The following ACOT11 variants were observed in gnomAD, a reference collection of about 807,000 sequenced individuals.
ACOT11 encodes acyl-coenzyme A thioesterase 11.
In ACOT11, 69 loss-of-function variants were observed where a neutral mutation model predicts 77.5. That is an observed-to-expected ratio of 0.89 (90% CI 0.73 to 1.09). The LOEUF (loss-of-function observed/expected upper bound fraction) is 1.09, where lower values mean the gene tolerates loss of function less well. ACOT11 is among the 50% of genes least tolerant of loss of function. The pLI, the probability that ACOT11 is intolerant of heterozygous loss-of-function variation, is 0.00. For synonymous variants in ACOT11, 279 were observed against 313.0 expected, an observed-to-expected ratio of 0.89 and a Z score of 1.15; for missense variants, 766 against 813.7, an observed-to-expected ratio of 0.94 and a Z score of 0.71.
chr1:54,612,776 TC>T (rs1644133419), downstream of ACOT11: 5 of 1,224,396 alleles, frequency 4.1e-6, no homozygotes, highest in Non-Finnish European at 6.0e-6. Context: ...CTCTGGGGTC[TC>T]ATCACAGTGC....
intron 15 of ACOT11, among the ~76,000 whole-genome samples, chr1:54,626,501 GCCAAATGACT>G (rs11278771): frequency 0.28 from 41,104 of 148,834 alleles, 6,465 homozygotes; most frequent in Middle Eastern, 0.4. Flanking sequence ...ACACAACACT[GCCAAATGACT>G]CTCATGTCCC....
chr1:54,594,719 A>T (rs1361528446), intron 6 of ACOT11, 28 bp downstream of exon 6: 1 of 1,593,258 alleles, frequency 6.3e-7, no homozygotes. Context: ...GTGCATGGGG[A>T]GGGTAGCTGG....
At chr1:54,582,051 G>C (rs7531575) in intron 1 of ACOT11, among the ~76,000 whole-genome samples, 3 of 152,118 alleles carry the variant, frequency 2.0e-5, no homozygotes, top group Non-Finnish European at 4.4e-5. Flanking sequence ...GGAGTGGTGG[G>C]GATAGCAACT....
chr1:54,612,604 C>T (rs376802409), downstream of ACOT11: 5 of 1,613,990 alleles, frequency 3.1e-6, no homozygotes, highest in African/African-American at 1.3e-5. Flanking sequence ...ATCTTCTCCA[C>T]CATGGCTTGG....
chr1:54,628,013 G>T (rs78175776), intron 15 of ACOT11: 2,643 of 133,440 alleles, frequency 0.02, 619 homozygotes, highest in East Asian at 0.053. Flanking sequence ...AACCTGGATG[G>T]GTTGGGGAGC....
chr1:54,576,368 A>G (rs666186), intron 1 of ACOT11, among the ~76,000 whole-genome samples: 17,905 of 151,736 alleles, frequency 0.12, 2,507 homozygotes, highest in African/African-American at 0.34. Context: ...TGGGTGGCAC[A>G]TGCCTGTGGT....
chr1:54,623,168 A>C, intron 15 of ACOT11: 1 of 735,286 alleles, frequency 1.4e-6, no homozygotes. Flanking sequence ...CAAGAGCAAA[A>C]CTCCGTCTAA....
intron 1 of ACOT11, among the ~76,000 whole-genome samples, chr1:54,553,486 A>G (rs1426628010): frequency 1.3e-5 from 2 of 152,110 alleles, no homozygotes; most frequent in African/African-American, 4.8e-5. Context: ...ATTAAAAAAA[A>G]AAAATGGACA....
chr1:54,626,074 A>G (rs1039431346), intron 15 of ACOT11, among the ~76,000 whole-genome samples: 2 of 151,324 alleles, frequency 1.3e-5, no homozygotes, highest in African/African-American at 4.9e-5. Context: ...TAGCTTGGCC[A>G]ACAGAGTGAG....
At position 54,594,026 on chromosome 1, in the gene ACOT11, G is replaced by A. The variant is rs768581245; in HGVS notation, c.458G>A (p.Arg153Gln). 80 of 1,613,748 alleles carry A rather than the reference G, an allele frequency of 5.0e-5. No homozygotes were observed. Among genetic ancestry groups the A allele is most frequent in the African/African-American group, 1.6e-4 (12 of 74,934 alleles). ...GCCTTGGCCACCTTCGTGGCCCGCCGAGAGATCACCAAGGTAACTGGGTGC... is the reference window on the plus strand; with the variant it reads ...GCCTTGGCCACCTTCGTGGCCCGCCAAGAGATCACCAAGGTAACTGGGTGC... Reference protein sequence around the residue: ...CKALATFVARREITKVKLKQI... With the variant: ...CKALATFVARQEITKVKLKQI... Residue 153 changes from arginine (R) to glutamine (Q), a missense_variant, in exon 5 of 16, where the codon CGA (arginine) becomes CAA (glutamine). Coordinates refer to ENST00000343744, the MANE Select transcript of ACOT11 (RefSeq NM_147161.4).
intron 16 of ACOT11, among the ~76,000 whole-genome samples, chr1:54,632,933 G>A (rs1644309140): frequency 6.6e-6 from 1 of 152,164 alleles, no homozygotes; most frequent in African/African-American, 2.4e-5. Context: ...TAAATTTATG[G>A]GGAAGAGATG....
intron 10 of ACOT11, among the ~76,000 whole-genome samples, 175 bp downstream of exon 10, chr1:54,602,899 C>T (rs541109576): frequency 3.3e-5 from 5 of 152,328 alleles, no homozygotes; most frequent in African/African-American, 4.8e-5. Flanking sequence ...GTTGTACACA[C>T]GAGGACGCTG....
At chr1:54,587,943 A>G (rs113013240) in intron 3 of ACOT11, among the ~76,000 whole-genome samples, 16,817 of 151,678 alleles carry the variant, frequency 0.11, 1,677 homozygotes, top group African/African-American at 0.25. Flanking sequence ...GGCCGGGCGC[A>G]GTGGCTTGTG....
chr1:54,632,235 G>A (rs1569818679), intron 16 of ACOT11, among the ~76,000 whole-genome samples: 2 of 152,178 alleles, frequency 1.3e-5, no homozygotes, highest in Admixed American at 6.5e-5. Context: ...CCCGGGCCCC[G>A]CTCTAAACCG....
chr1:54,628,660 C>T lies in ACOT11; in HGVS notation c.1630-2074C>T, dbSNP rs1644284542. Among the ~76,000 whole-genome samples the T allele has an allele frequency of 1.7e-5, 2 of 120,256 alleles. 1 individual carries two copies. The highest frequency in any genetic ancestry group is 3.6e-5 in the Non-Finnish European group (2 of 55,322). 78.9% of individuals were successfully genotyped at this position (120,256 alleles called of 152,430 possible). A position where few individuals can be genotyped will look rare whatever the true frequency, so the allele number is the denominator to read the frequency against. The stretch of plus-strand genomic sequence containing the variant: ...ATTTTGACACTGTCATGAATTTGTA[C>T]TGCTTAGGTGGTCTCAGCACTCTAA... On this transcript the variant is annotated intron_variant, in intron 15 of 16. Coordinates refer to the ACOT11 transcript ENST00000371316.
At chr1:54,623,156 A>G (rs1325984883) in intron 15 of ACOT11, 7 of 673,924 alleles carry the variant, frequency 1.0e-5, no homozygotes, top group South Asian at 1.9e-5. Context: ...CAGCCTGGGC[A>G]ACAAGAGCAA....
At chr1:54,605,473 C>T (rs1644014191) in intron 13 of ACOT11, among the ~76,000 whole-genome samples, 2 of 152,156 alleles carry the variant, frequency 1.3e-5, no homozygotes, top group South Asian at 2.1e-4. Context: ...AAGTCAAAGT[C>T]ACTTCCTTTC....
chr1:54,622,756 C>T (rs567592072), intron 15 of ACOT11, among the ~76,000 whole-genome samples: 3 of 147,660 alleles, frequency 2.0e-5, no homozygotes, highest in Non-Finnish European at 3.0e-5. Flanking sequence ...AAATAGTTAA[C>T]GGGACTTTCT....
chr1:54,589,317 C>CT (rs397863314), intron 3 of ACOT11, among the ~76,000 whole-genome samples: 9,031 of 124,338 alleles, frequency 0.073, 335 homozygotes, highest in Middle Eastern at 0.17. Flanking sequence ...ATGCCTGGCC[C>CT]TTTTTTTTTT....
Sources: allele counts gnomAD v4.1 joint callset (sites outside exome capture counted in the v4.1 genomes callset), GRCh38; gene constraint gnomAD v4.1.1; transcripts MANE v1.5; gene names NCBI Gene and HGNC (gene_info 2026-07-23, HGNC 2026-07-21).